Variants in TBC1D8 observed in about 807,000 individuals in gnomAD.
TBC1D8 encodes BUB2-like protein 1.
In TBC1D8, 65 loss-of-function variants were observed where a neutral mutation model predicts 118.8. The ratio of observed to expected loss-of-function variants is 0.55; its 90% CI spans 0.45 to 0.67. TBC1D8 has a LOEUF of 0.67. TBC1D8 is among the 30% of genes least tolerant of loss of function. The pLI, the probability that TBC1D8 is intolerant of heterozygous loss-of-function variation, is 0.00. For synonymous variants in TBC1D8, 566 were observed against 595.8 expected, an observed-to-expected ratio of 0.95 and a Z score of 0.73; for missense variants, 1,376 against 1,471.2, an observed-to-expected ratio of 0.94 and a Z score of 1.06.
chr2:101,038,027 C>T (rs890570810), intron 7 of TBC1D8, among the ~76,000 whole-genome samples: 2 of 152,126 alleles, frequency 1.3e-5, no homozygotes, highest in Admixed American at 6.5e-5. Flanking sequence ...AGCCCTGGGG[C>T]TGAGAGAGGC....
At position 101,007,913 on chromosome 2, in the gene TBC1D8, T is replaced by G. The variant is rs1440061282; in HGVS notation, c.3376A>C (p.Lys1126Gln). 1 of 1,614,050 alleles carries G rather than the reference T, an allele frequency of 6.2e-7. No homozygotes were observed. Among genetic ancestry groups the G allele is most frequent in the South Asian group, 1.1e-5 (1 of 91,090 alleles). The change falls in exon 20 of 20, where the codon AAA becomes CAA. Residue 1126 changes from lysine to glutamine, a missense_variant. Lys to Gln is a moderately conservative substitution (Grantham distance 53). Coordinates refer to ENST00000409318, the MANE Select transcript of TBC1D8 (RefSeq NM_001330348.2). ...FFEKPLDMKSKLENAKINQYN... is the reference protein window; with the variant it reads ...FFEKPLDMKSQLENAKINQYN... The stretch of plus-strand genomic sequence containing the variant: ...TGATTGATCTTGGCATTTTCAAGTT[T>G]GGATTTCATGTCCAGTGGCTTTTCA...
At chr2:101,052,359 G>A (rs1436375121) in intron 4 of TBC1D8, among the ~76,000 whole-genome samples, 1 of 152,168 alleles carries the variant, frequency 6.6e-6, no homozygotes, top group Non-Finnish European at 1.5e-5. Context: ...GCAATACAGA[G>A]CCAGCAAGGA....
chr2:101,108,492 C>G (rs991850167), intron 1 of TBC1D8, among the ~76,000 whole-genome samples: 2 of 152,182 alleles, frequency 1.3e-5, no homozygotes, highest in Non-Finnish European at 2.9e-5. Context: ...GAGTCTGATA[C>G]AGAACGCACT....
intron 1 of TBC1D8, among the ~76,000 whole-genome samples, chr2:101,141,019 C>A (rs564343856): frequency 1.3e-5 from 2 of 152,110 alleles, no homozygotes; most frequent in Non-Finnish European, 2.9e-5. Context: ...ACCTCAGCCT[C>A]CCGAAGTGCT....
At chr2:101,027,579 G>T in intron 14 of TBC1D8, 128 bp from the exon 15 acceptor site, 1 of 755,858 alleles carries the variant, frequency 1.3e-6, no homozygotes, top group Non-Finnish European at 2.3e-6. Context: ...TCCCACAAAG[G>T]CTCTTTTCTG....
chr2:101,066,944 C>CAAAAAAA (rs543680787), intron 2 of TBC1D8, among the ~76,000 whole-genome samples: 1 of 114,952 alleles, frequency 8.7e-6, no homozygotes, highest in Non-Finnish European at 1.7e-5. Flanking sequence ...GAGAGTATCC[C>CAAAAAAA]AAAAAAAAAA....
intron 1 of TBC1D8, among the ~76,000 whole-genome samples, chr2:101,095,393 T>TCC (rs34728768): frequency 2.0e-4 from 26 of 127,976 alleles, no homozygotes; most frequent in Non-Finnish European, 2.0e-4. Context: ...TAATGCTATC[T>TCC]CCCCCCCCCT....
At chr2:101,125,324 G>C (rs533832877) in intron 1 of TBC1D8, among the ~76,000 whole-genome samples, 17 of 152,218 alleles carry the variant, frequency 1.1e-4, no homozygotes, top group Admixed American at 3.3e-4. Flanking sequence ...ACATTTTCCA[G>C]GTCTGGTGCA....
Position 101,040,524 on chromosome 2 carries a change from C to G in TBC1D8, c.873-139G>C, listed in dbSNP as rs559356238. 60 of 839,190 alleles carry G rather than the reference C, an allele frequency of 7.1e-5. No homozygotes were observed. The African/African-American group carries it at 9.4e-4, about 13-fold the overall frequency. The allele number at this position is 839,190 out of a possible 1,614,324, so 52.0% of individuals were successfully genotyped here. Reference sequence around the variant, plus strand: ...TCGCTCTGTCGCCCAGGATGGAGTGCAGTGGTGCGAGCTCAGCTCACTGCA... The same window carrying G: ...TCGCTCTGTCGCCCAGGATGGAGTGGAGTGGTGCGAGCTCAGCTCACTGCA... On this transcript the variant is annotated intron_variant, in intron 5 of 19. Coordinates refer to ENST00000409318, the MANE Select transcript of TBC1D8 (RefSeq NM_001330348.2).
chr2:101,084,985 A>G (rs1236244345), intron 2 of TBC1D8, among the ~76,000 whole-genome samples: 1 of 151,060 alleles, frequency 6.6e-6, no homozygotes, highest in East Asian at 2.0e-4. Context: ...AGCAGCTGGG[A>G]CTACAGGCAC....
chr2:101,046,164 C>T (rs553945357), intron 5 of TBC1D8, among the ~76,000 whole-genome samples: 3 of 152,024 alleles, frequency 2.0e-5, no homozygotes, highest in South Asian at 4.1e-4. Context: ...CTTCTGTGAC[C>T]CCCCCAGGAG....
At chr2:101,017,941 T>C in intron 17 of TBC1D8, 6 of 1,550,362 alleles carry the variant, frequency 3.9e-6, no homozygotes, top group Non-Finnish European at 4.4e-6. Context: ...AATGGCATTT[T>C]CTTCTCTACT....
At chr2:101,009,666 C>G (rs1007358375) in intron 19 of TBC1D8, among the ~76,000 whole-genome samples, 16 of 152,072 alleles carry the variant, frequency 1.1e-4, no homozygotes, top group African/African-American at 3.4e-4. Context: ...GCACAGTAGA[C>G]GAGCAGCATT....
chr2:101,070,951 C>T (rs753284791), intron 2 of TBC1D8, among the ~76,000 whole-genome samples: 1 of 152,028 alleles, frequency 6.6e-6, no homozygotes, highest in African/African-American at 2.4e-5. Flanking sequence ...AACATTGTAC[C>T]TAAGCCTCTA....
chr2:101,074,896 A>G (rs547455425), intron 2 of TBC1D8, among the ~76,000 whole-genome samples: 1 of 152,230 alleles, frequency 6.6e-6, no homozygotes, highest in Admixed American at 6.5e-5. Flanking sequence ...ACAACCCAGT[A>G]ACAATGAGCA....
chr2:101,010,295 G>A (rs1037923671), intron 19 of TBC1D8, among the ~76,000 whole-genome samples: 6 of 152,144 alleles, frequency 3.9e-5, no homozygotes, highest in Non-Finnish European at 8.8e-5. Flanking sequence ...CCCAGGAAAT[G>A]GAGCAAGCAC....
chr2:101,075,291 G>C (rs1456783710), intron 2 of TBC1D8, among the ~76,000 whole-genome samples: 2 of 151,870 alleles, frequency 1.3e-5, no homozygotes, highest in Admixed American at 6.6e-5. Context: ...CTAGCTACTG[G>C]GGAGGCTGAG....
At chr2:101,113,557 C>T (rs1334985717) in intron 1 of TBC1D8, among the ~76,000 whole-genome samples, 1 of 152,164 alleles carries the variant, frequency 6.6e-6, no homozygotes, top group East Asian at 1.9e-4. Flanking sequence ...ACAAATACCG[C>T]CTGCAGCCTG....
chr2:101,108,891 T>C (rs1677400962), intron 1 of TBC1D8, among the ~76,000 whole-genome samples: 2 of 152,310 alleles, frequency 1.3e-5, no homozygotes, highest in Non-Finnish European at 2.9e-5. Context: ...AGTTCATTAA[T>C]TGTAACAAAT....
Sources: gnomAD v4.1 joint callset for allele counts (sites outside exome capture counted in the v4.1 genomes callset) on GRCh38, gnomAD v4.1.1 for gene constraint, MANE v1.5 for transcripts, NCBI Gene and HGNC (gene_info 2026-07-23, HGNC 2026-07-21) for gene names.